The following WHRN variants were observed in gnomAD, a reference collection of about 807,000 sequenced individuals.
WHRN encodes whirlin, also known as CASK-interacting protein CIP98.
A neutral mutation model predicts 68.3 loss-of-function variants in WHRN; 41 were observed. The ratio of observed to expected loss-of-function variants is 0.60; its 90% CI spans 0.47 to 0.78. WHRN has a LOEUF of 0.78. WHRN is among the 30% of genes least tolerant of loss of function. WHRN has a pLI of 0.00. For synonymous variants in WHRN, 560 were observed against 561.3 expected (o/e 1.00, Z 0.03); for missense variants, 1,243 against 1,244.7 (o/e 1.00, Z 0.02).
Position 114,424,417 on chromosome 9 carries a change from A to C in WHRN, c.1333T>G (p.Tyr445Asp). The C allele has an allele frequency of 6.2e-7, 1 of 1,613,280 alleles. No homozygotes were observed. The highest frequency in any genetic ancestry group is 1.1e-5 in the South Asian group (1 of 91,034). ...CTGCCACCACGGTACTCATCCAGGT[A>C]GTAGGCCATGGTGGCGTGTTCCTGC... ...NEQEHATMAY[Y>D]LDEYRGGSVS... Residue 445 changes from tyrosine (Y) to aspartate (D), a missense_variant, in exon 6 of 12, where the codon TAC becomes GAC. Tyr to Asp is a radical substitution (Grantham distance 160). Transcript: ENST00000362057.
At chr9:114,477,082 G>A (rs1156698916) in intron 2 of WHRN, among the ~76,000 whole-genome samples, 12 of 152,210 alleles carry the variant, frequency 7.9e-5, no homozygotes, top group Admixed American at 1.3e-4. Flanking sequence ...CAACCTTGAC[G>A]CGGCCCGGGC....
intron 3 of WHRN, among the ~76,000 whole-genome samples, chr9:114,448,038 C>A (rs1408527): frequency 6.6e-6 from 1 of 151,974 alleles, no homozygotes; most frequent in Non-Finnish European, 1.5e-5. Context: ...CATGCCATCA[C>A]AGAGTAGGTC....
In WHRN at chr9:114,407,972, A is replaced by T; in HGVS notation, c.1673T>A (p.Ile558Asn). The T allele has an allele frequency of 1.2e-6, 2 of 1,604,330 alleles. No homozygotes were observed. Among genetic ancestry groups the T allele is most frequent in the Non-Finnish European group, 1.7e-6 (2 of 1,174,776 alleles). The change falls in exon 8 of 12, where the codon ATC (isoleucine) becomes AAC (asparagine). Residue 558 changes from isoleucine (I) to asparagine (N), a missense_variant. Transcript: ENST00000362057. Reference sequence around the variant, plus strand: ...CACGGACACATCTGGGAGGGCGTTGATATTGCCCTGGACAGCCTCGCCAGT... The same window carrying T: ...CACGGACACATCTGGGAGGGCGTTGTTATTGCCCTGGACAGCCTCGCCAGT... ...EETGEAVQGN[I>N]NALPDVSVDD...
At chr9:114,449,825 C>A (rs576394502) in intron 3 of WHRN, among the ~76,000 whole-genome samples, 1 of 152,344 alleles carries the variant, frequency 6.6e-6, no homozygotes, top group African/African-American at 2.4e-5. Context: ...TAGACAATTA[C>A]AGCTACCATT....
chr9:114,418,089 G>T (rs898393234), intron 7 of WHRN, among the ~76,000 whole-genome samples: 1 of 152,188 alleles, frequency 6.6e-6, no homozygotes, highest in South Asian at 2.1e-4. Context: ...ACGTGGAGGA[G>T]GTTTGTCCTG....
chr9:114,491,583 G>T, intron 1 of WHRN: 1 of 195,400 alleles, frequency 5.1e-6, no homozygotes, highest in South Asian at 1.2e-4. Context: ...TAACCAGCAA[G>T]AGCTCCCCAC....
At chr9:114,459,650 A>C (rs1435264065) in intron 3 of WHRN, among the ~76,000 whole-genome samples, 1 of 152,180 alleles carries the variant, frequency 6.6e-6, no homozygotes, top group Admixed American at 6.5e-5. Context: ...GGCTGGCTTC[A>C]CCAATGAAGT....
At chr9:114,437,045 G>A (rs184410359) in intron 3 of WHRN, among the ~76,000 whole-genome samples, 38 of 152,242 alleles carry the variant, frequency 2.5e-4, no homozygotes, top group Middle Eastern at 3.4e-3. Context: ...TAAATCCTCC[G>A]TAATTACACC....
intron 1 of WHRN, among the ~76,000 whole-genome samples, chr9:114,502,012 C>T (rs1843974564): frequency 6.6e-6 from 1 of 152,154 alleles, no homozygotes; most frequent in Non-Finnish European, 1.5e-5. Context: ...AGTGCCATGG[C>T]CTCAGGGAAG....
intron 6 of WHRN, 113 bp downstream of exon 6, chr9:114,424,221 A>G: frequency 8.0e-7 from 1 of 1,245,544 alleles, no homozygotes; most frequent in Non-Finnish European, 1.2e-6. Flanking sequence ...GTCTCTGCCC[A>G]GTGTTCAGTT....
chr9:114,501,722 G>C (rs1843948787), intron 1 of WHRN, among the ~76,000 whole-genome samples: 1 of 152,076 alleles, frequency 6.6e-6, no homozygotes, highest in Non-Finnish European at 1.5e-5. Flanking sequence ...ATAAAATAAG[G>C]ACATAGGCAG....
At chr9:114,451,095 G>C (rs1181640035) in intron 3 of WHRN, among the ~76,000 whole-genome samples, 1 of 152,176 alleles carries the variant, frequency 6.6e-6, no homozygotes, top group Non-Finnish European at 1.5e-5. Flanking sequence ...AATGGCATTG[G>C]CATGCAAGAG....
At chr9:114,442,118 A>G (rs1486740131) in intron 3 of WHRN, among the ~76,000 whole-genome samples, 1 of 152,246 alleles carries the variant, frequency 6.6e-6, no homozygotes, top group Non-Finnish European at 1.5e-5. Flanking sequence ...AAAAATATCA[A>G]TGTCATAGGA....
In WHRN at chr9:114,478,425, A is replaced by G. The variant is rs377392637; in HGVS notation, c.837+128T>C. ...GAAAAAACACCACCCTTCAGTACAG[A>G]CTTGAGGGAAGACAGAGCCTGGACA... On this transcript the variant is annotated intron_variant, in intron 2 of 11. Transcript: ENST00000362057. 1.1e-4 allele frequency: 113 copies of G among 1,029,748 alleles called. 2 individuals are homozygous for G. In the African/African-American group the frequency reaches 1.3e-3, roughly 12 times the overall value. 63.8% of individuals were successfully genotyped at this position (1,029,748 alleles called of 1,614,324 possible).
chr9:114,478,500 G>A (rs146796667), intron 2 of WHRN, 53 bp downstream of exon 2: 59 of 1,597,470 alleles, frequency 3.7e-5, no homozygotes, highest in Admixed American at 2.5e-4. Flanking sequence ...TTCTGGGTTC[G>A]GAGGGAGAAT....
rs10982227 is a variant in WHRN at position 114,458,467 on chromosome 9, C to T, written c.963+7800G>A. Among the ~76,000 whole-genome samples, 114 of 152,286 alleles carry T rather than the reference C, an allele frequency of 7.5e-4. 1 individual carries two copies. The East Asian group carries it at 0.02, about 27-fold the overall frequency. On this transcript the variant is annotated intron_variant, in intron 3 of 11. Transcript: ENST00000362057. ...TGTGATTCAAAATCTATAATGTTGT[C>T]CCTTCTGCTGTCAGAGAAAAAAATG...
intron 7 of WHRN, among the ~76,000 whole-genome samples, chr9:114,421,709 C>T (rs1836303226): frequency 6.6e-6 from 1 of 152,216 alleles, no homozygotes. Flanking sequence ...CAAGGACCTG[C>T]ACCCTTAAAC....
At chr9:114,474,774 GCCT>G (rs1160878646) in intron 2 of WHRN, among the ~76,000 whole-genome samples, 1 of 152,122 alleles carries the variant, frequency 6.6e-6, no homozygotes, top group Non-Finnish European at 1.5e-5. Context: ...CCACAAACTT[GCCT>G]CCTCACACTG....
intron 3 of WHRN, among the ~76,000 whole-genome samples, chr9:114,449,733 C>G (rs10739414): frequency 0.29 from 43,564 of 152,024 alleles, 6,510 homozygotes; most frequent in Admixed American, 0.36. Flanking sequence ...TTGGGAAAGA[C>G]GTTCATCATC....
Sources: gnomAD v4.1 joint callset for allele counts (sites outside exome capture counted in the v4.1 genomes callset) on GRCh38, gnomAD v4.1.1 for gene constraint, MANE v1.5 for transcripts, NCBI Gene and HGNC (gene_info 2026-07-23, HGNC 2026-07-21) for gene names.